The following RPIA variants were observed in gnomAD, a reference collection of about 807,000 sequenced individuals.
The protein encoded by RPIA is ribose 5-phosphate isomerase A.
A neutral mutation model predicts 37.8 loss-of-function variants in RPIA; 29 were observed. That is an observed-to-expected ratio of 0.77 (90% CI 0.57 to 1.05). The LOEUF (loss-of-function observed/expected upper bound fraction) is 1.05, where lower values mean the gene tolerates loss of function less well. Ranked by LOEUF, RPIA falls within the 50% of genes least tolerant of loss-of-function variation. The pLI, the probability that RPIA is intolerant of heterozygous loss-of-function variation, is 0.00. For synonymous variants in RPIA, 167 were observed against 157.0 expected (o/e 1.06, Z -0.48); for missense variants, 385 against 413.6 (o/e 0.93, Z 0.60).
Position 88,721,430 on chromosome 2 carries a change from CAT to C in RPIA, c.403-7845_403-7844del, listed in dbSNP as rs1463733971. Reference sequence around the variant, plus strand: ...CTTATAAATATATTACTAATATAATCATATTTAATATAATTAGTATAATATAA... The same window carrying C: ...CTTATAAATATATTACTAATATAATCATTTAATATAATTAGTATAATATAA... On this transcript the variant is annotated intron_variant, in intron 3 of 8. Coordinates refer to ENST00000283646, the MANE Select transcript of RPIA (RefSeq NM_144563.3). Among the ~76,000 whole-genome samples the C allele has an allele frequency of 2.0e-5, 3 of 146,478 alleles. No individual in the cohort carries two copies. In the East Asian group the frequency reaches 5.8e-4, roughly 29 times the overall value.
Position 88,729,144 on chromosome 2 carries a change from C to G in RPIA, c.403-134C>G, listed in dbSNP as rs560400903. ...CCATTCATGGGGCTAGATCTCCTAC[C>G]TCATGGTGGGCCATGCTGGGCTTTG... On this transcript the variant is annotated intron_variant, in intron 3 of 8. Transcript: ENST00000283646. 9.1e-5 allele frequency: 81 copies of G among 889,690 alleles called. 2 individuals carry two copies. The South Asian group carries it at 1.1e-3, about 12-fold the overall frequency. The allele number at this position is 889,690 out of a possible 1,614,324, so 55.1% of individuals were successfully genotyped here.
chr2:88,723,157 T>C (rs1673155240), intron 3 of RPIA, among the ~76,000 whole-genome samples: 2 of 151,974 alleles, frequency 1.3e-5, no homozygotes, highest in Admixed American at 6.6e-5. Flanking sequence ...ACAACAACAA[T>C]AAAAACCCTA....
intron 2 of RPIA, 134 bp downstream of exon 2, chr2:88,698,678 T>C: frequency 2.4e-6 from 2 of 826,238 alleles, no homozygotes; most frequent in Admixed American, 1.7e-5. Flanking sequence ...AGAGAGGGAC[T>C]ACCTGAGGTC....
chr2:88,698,432 AG>A, intron 1 of RPIA, 51 bp from the exon 2 acceptor site: 6 of 1,476,588 alleles, frequency 4.1e-6, no homozygotes, highest in Non-Finnish European at 5.7e-6. Context: ...CTGACAAAGG[AG>A]TAAAATATGA....
At chr2:88,721,634 C>T (rs1673132828) in intron 3 of RPIA, among the ~76,000 whole-genome samples, 1 of 139,032 alleles carries the variant, frequency 7.2e-6, no homozygotes, top group Non-Finnish European at 1.5e-5. Flanking sequence ...AGACTTGGAA[C>T]CAGCCCAAAT....
chr2:88,717,553 T>C (rs539418815), intron 3 of RPIA, among the ~76,000 whole-genome samples: 23 of 152,274 alleles, frequency 1.5e-4, no homozygotes, highest in African/African-American at 5.3e-4. Flanking sequence ...CAATCAGATA[T>C]GCATTTATCG....
intron 4 of RPIA, among the ~76,000 whole-genome samples, chr2:88,732,728 T>TAAAAAAAAAAAAAA (rs75685116): frequency 5.0e-4 from 1 of 1,998 alleles, no homozygotes; most frequent in Non-Finnish European, 8.1e-4. Context: ...TAGAGTATAA[T>TAAAAAAAAAAAAAA]AAAAAAAAAA....
At chr2:88,723,484 A>G (rs1219480423) in intron 3 of RPIA, among the ~76,000 whole-genome samples, 1 of 152,210 alleles carries the variant, frequency 6.6e-6, no homozygotes, top group African/African-American at 2.4e-5. Context: ...GTTCTACAGC[A>G]AAATAAACTT....
intron 8 of RPIA, 96 bp from the exon 9 acceptor site, chr2:88,749,885 G>A: frequency 1.3e-6 from 1 of 780,984 alleles, no homozygotes; most frequent in East Asian, 2.6e-5. Flanking sequence ...GTCCAATGCT[G>A]TGTATGACAG....
intron 1 of RPIA, among the ~76,000 whole-genome samples, chr2:88,693,103 G>A (rs1215855536): frequency 6.6e-6 from 1 of 152,176 alleles, no homozygotes; most frequent in African/African-American, 2.4e-5. Flanking sequence ...CAGTGCCTCC[G>A]TTGTAAAATT....
intron 8 of RPIA, among the ~76,000 whole-genome samples, chr2:88,744,255 T>C (rs1207211700): frequency 6.6e-6 from 1 of 152,248 alleles, no homozygotes; most frequent in African/African-American, 2.4e-5. Flanking sequence ...TTGATTTCAT[T>C]GTTGACCCAG....
At chr2:88,746,671 G>A (rs1673441567) in intron 8 of RPIA, among the ~76,000 whole-genome samples, 1 of 152,212 alleles carries the variant, frequency 6.6e-6, no homozygotes, top group African/African-American at 2.4e-5. Flanking sequence ...GCAGGAGAGT[G>A]AAGTGGACTC....
At chr2:88,729,379 C>T in intron 4 of RPIA, 42 bp downstream of exon 4, 1 of 1,582,738 alleles carries the variant, frequency 6.3e-7, no homozygotes, top group Non-Finnish European at 8.7e-7. Flanking sequence ...GTATTTCTTT[C>T]CGCTTTTTTA....
At chr2:88,724,200 T>G (rs945145006) in intron 3 of RPIA, among the ~76,000 whole-genome samples, 2 of 152,176 alleles carry the variant, frequency 1.3e-5, no homozygotes, top group East Asian at 3.8e-4. Context: ...GGAGGAGGGA[T>G]TCTAGTTTCT....
intron 4 of RPIA, among the ~76,000 whole-genome samples, chr2:88,729,635 T>G (rs374027178): frequency 6.6e-6 from 1 of 152,184 alleles, no homozygotes; most frequent in Non-Finnish European, 1.5e-5. Context: ...TGCAGAGGTA[T>G]AAGAGTGAGC....
intron 3 of RPIA, among the ~76,000 whole-genome samples, chr2:88,714,331 G>A (rs529981069): frequency 4.0e-4 from 61 of 152,048 alleles, no homozygotes; most frequent in African/African-American, 8.7e-4. Flanking sequence ...CACCACACCC[G>A]GCTAATTTTT....
chr2:88,700,656 G>A (rs552202037), intron 3 of RPIA, among the ~76,000 whole-genome samples: 91 of 149,416 alleles, frequency 6.1e-4, no homozygotes, highest in Non-Finnish European at 1.1e-3. Flanking sequence ...CCTGTCTCAA[G>A]AAAAAAAAAA....
In RPIA at chr2:88,736,647, G is replaced by A. The variant is rs764462738; in HGVS notation, c.709G>A (p.Val237Ile). Reference sequence around the variant, plus strand: ...TGTGAGCCAGAAGTTTGGGGGCGTGGTTGAACTTCGAATGGCTGTCAACAA... The same window carrying A: ...TGTGAGCCAGAAGTTTGGGGGCGTGATTGAACTTCGAATGGCTGTCAACAA... Reference protein sequence around the residue: ...RAVSQKFGGVVELRMAVNKAG... With the variant: ...RAVSQKFGGVIELRMAVNKAG... The change falls in exon 7 of 9, where the codon GTT becomes ATT. Residue 237 changes from valine (V) to isoleucine (I), a missense_variant. Coordinates refer to ENST00000283646, the MANE Select transcript of RPIA (RefSeq NM_144563.3). 2.9e-5 allele frequency: 47 copies of A among 1,613,748 alleles called. No individual in the cohort carries two copies. In the South Asian group the frequency reaches 3.7e-4, roughly 13 times the overall value.
chr2:88,748,744 C>T (rs1482583200), intron 8 of RPIA, among the ~76,000 whole-genome samples: 1 of 152,122 alleles, frequency 6.6e-6, no homozygotes, highest in Non-Finnish European at 1.5e-5. Flanking sequence ...CAGGATCTTG[C>T]TCTGTCACCC....
Sources: allele counts gnomAD v4.1 joint callset (sites outside exome capture counted in the v4.1 genomes callset), GRCh38; gene constraint gnomAD v4.1.1; transcripts MANE v1.5; gene names NCBI Gene and HGNC (gene_info 2026-07-23, HGNC 2026-07-21).